The following CCDC88A variants were observed in gnomAD, a reference collection of about 807,000 sequenced individuals.
CCDC88A encodes girdin.
Under a neutral mutation model 234.3 loss-of-function variants are expected in CCDC88A, and 54 were observed. The observed-to-expected ratio is 0.23, with a 90% CI of 0.19 to 0.29. The LOEUF is 0.29. Ranked by LOEUF, CCDC88A falls within the 10% of genes least tolerant of loss-of-function variation. CCDC88A has a pLI of 1.00. For synonymous variants in CCDC88A, 753 were observed against 737.8 expected, an observed-to-expected ratio of 1.02 and a Z score of -0.33; for missense variants, 1,832 against 2,123.4, an observed-to-expected ratio of 0.86 and a Z score of 2.70.
chr2:55,416,484 A>ATATATG (rs1558860400), intron 2 of CCDC88A, among the ~76,000 whole-genome samples: 7 of 80,114 alleles, frequency 8.7e-5, no homozygotes, highest in Non-Finnish European at 1.6e-4. Context: ...ATATATATAT[A>ATATATG]TATGTATATA....
chr2:55,419,170 A>G lies in CCDC88A; in HGVS notation c.-91T>C. The G allele has an allele frequency of 1.3e-6, 1 of 792,324 alleles. No homozygotes were observed. Among genetic ancestry groups the G allele is most frequent in the African/African-American group, 1.7e-5 (1 of 57,430 alleles). The allele number at this position is 792,324 out of a possible 1,614,324, so 49.1% of individuals were successfully genotyped here. A position where few individuals can be genotyped will look rare whatever the true frequency, so the allele number is the denominator to read the frequency against. ...ACGTGGAAGTAAGTAGAAATCAATG[A>G]AAGTCCATTTCGGCAAGGGAGAAAA... On this transcript the variant is annotated 5_prime_UTR_variant, in exon 1 of 33. Transcript: ENST00000436346.
intron 25 of CCDC88A, among the ~76,000 whole-genome samples, 199 bp from the exon 26 acceptor site, chr2:55,303,351 T>C (rs188678800): frequency 1.4e-4 from 22 of 152,174 alleles, no homozygotes; most frequent in Non-Finnish European, 2.9e-4. Context: ...TATTTTAAAA[T>C]ACTTGGAAAA....
At chr2:55,401,073 T>G (rs190832309) in intron 2 of CCDC88A, among the ~76,000 whole-genome samples, 1 of 152,028 alleles carries the variant, frequency 6.6e-6, no homozygotes, top group East Asian at 1.9e-4. Flanking sequence ...TCAGGAAAAT[T>G]AATGGCTTTT....
At chr2:55,393,416 G>T (rs541741583) in intron 2 of CCDC88A, among the ~76,000 whole-genome samples, 26 of 144,774 alleles carry the variant, frequency 1.8e-4, no homozygotes, top group African/African-American at 6.6e-4. Flanking sequence ...TCAGCCTCCT[G>T]AGTAGCTGGG....
intron 14 of CCDC88A, among the ~76,000 whole-genome samples, chr2:55,336,477 T>A (rs1177975270): frequency 6.6e-6 from 1 of 152,088 alleles, no homozygotes; most frequent in Non-Finnish European, 1.5e-5. Flanking sequence ...ACAATGGTAG[T>A]TTAAAAAACT....
At chr2:55,308,725 T>C (rs1681957924) in intron 25 of CCDC88A, 84 bp downstream of exon 25, 1 of 919,376 alleles carries the variant, frequency 1.1e-6, no homozygotes, top group Admixed American at 2.4e-5. Flanking sequence ...ATCAGACTAT[T>C]CCCCCAAAGG....
rs2104551314 is a variant in CCDC88A at position 55,296,309 on chromosome 2, A to G, written c.5040T>C (p.Val1680=). 6.2e-7 allele frequency: 1 copy of G among 1,614,186 alleles called. No individual in the cohort carries two copies. The highest frequency in any genetic ancestry group is 8.5e-7 in the Non-Finnish European group (1 of 1,180,010). ...KIKTGSPGSE[V]VTLQQFLEES... is the part of the protein sequence containing the mutation. ...CTTCCAAAAACTGTTGTAGAGTAAC[A>G]ACTTCACTTCCAGGGGAACCAGTTT... Residue 1680 remains valine, a synonymous_variant, in exon 30 of 33, where the codon GTT becomes GTC. Transcript: ENST00000436346.
intron 3 of CCDC88A, among the ~76,000 whole-genome samples, chr2:55,377,968 A>G (rs368715524): frequency 1.1e-4 from 17 of 152,280 alleles, no homozygotes; most frequent in Admixed American, 4.6e-4. Context: ...AAGATGTTAG[A>G]GATAAAACTC....
intron 6 of CCDC88A, among the ~76,000 whole-genome samples, chr2:55,363,372 T>C (rs150840293): frequency 3.1e-3 from 468 of 152,050 alleles, no homozygotes; most frequent in African/African-American, 0.011. Context: ...TTCTAAAGTG[T>C]CTTTATAAGA....
At chr2:55,358,132 A>G (rs1670833035) in intron 7 of CCDC88A, among the ~76,000 whole-genome samples, 1 of 151,976 alleles carries the variant, frequency 6.6e-6, no homozygotes, top group African/African-American at 2.4e-5. Context: ...TTACTGACTC[A>G]CTCTTTGAAG....
chr2:55,396,144 T>C (rs1574451866), intron 2 of CCDC88A, among the ~76,000 whole-genome samples: 1 of 152,302 alleles, frequency 6.6e-6, no homozygotes, highest in East Asian at 1.9e-4. Flanking sequence ...CCTACTGTAC[T>C]GGCCACATTA....
chr2:55,321,934 AAACC>A (rs961305097), intron 18 of CCDC88A, among the ~76,000 whole-genome samples: 2 of 151,472 alleles, frequency 1.3e-5, no homozygotes, highest in South Asian at 2.1e-4. Context: ...AAAAAAAAAA[AAACC>A]ACCACCACAA....
At position 55,334,536 on chromosome 2, in the gene CCDC88A, T is replaced by C. The variant is rs200376009; in HGVS notation, c.2285A>G (p.Asp762Gly). The C allele has an allele frequency of 8.1e-6, 13 of 1,612,098 alleles. No individual in the cohort carries two copies. The highest frequency in any genetic ancestry group is 2.7e-5 in the African/African-American group (2 of 75,004). The part of the protein sequence containing the change: ...ERLEVSYQGL[D>G]IENQRLQKTL... ...TTTTTGCAGTCTTTGATTTTCTATA[T>C]CTAAACCCTGGTAGCTAACTTCTAA... Residue 762 changes from aspartate (D) to glycine (G), a missense_variant, in exon 15 of 33, where the codon GAT becomes GGT. Asp to Gly is a moderately conservative substitution (Grantham distance 94). Around this residue, in one of 6 missense-constraint regions of CCDC88A, gnomAD observed 1,282 missense variants for 1,543.6 expected, o/e 0.83. Transcript: ENST00000436346. This position sits in a 1 kb window ranked among gnomAD's most constrained non-coding sequence, Gnocchi z 6.1.
chr2:55,342,117 A>T (rs1668587051), intron 12 of CCDC88A, among the ~76,000 whole-genome samples: 1 of 152,208 alleles, frequency 6.6e-6, no homozygotes, highest in African/African-American at 2.4e-5. Context: ...AAAACTTCTA[A>T]GATAGTTTTA....
intron 22 of CCDC88A, 67 bp downstream of exon 22, chr2:55,315,861 C>A (rs971361968): frequency 1.2e-6 from 1 of 844,668 alleles, no homozygotes; most frequent in South Asian, 2.6e-5. Flanking sequence ...GTAATCTAGT[C>A]ATTTATTTCT....
At chr2:55,360,897 T>C (rs1156913208) in intron 7 of CCDC88A, among the ~76,000 whole-genome samples, 1 of 152,186 alleles carries the variant, frequency 6.6e-6, no homozygotes, top group African/African-American at 2.4e-5. Context: ...GAGACCAGCC[T>C]GGCCAACATG....
chr2:55,301,418 GAAACTGGAA>G (rs1680888115), intron 27 of CCDC88A, 141 bp from the exon 28 acceptor site: 1 of 14,502 alleles, frequency 6.9e-5, no homozygotes, highest in Non-Finnish European at 1.1e-3. Flanking sequence ...GACTCAACTA[GAAACTGGAA>G]CTAGGAATAA....
chr2:55,303,698 T>C (rs2104577857), intron 25 of CCDC88A, among the ~76,000 whole-genome samples: 1 of 152,238 alleles, frequency 6.6e-6, no homozygotes, highest in East Asian at 1.9e-4. Context: ...CATATACTTT[T>C]AAAGCTTGGA....
chr2:55,312,574 T>C lies in CCDC88A; in HGVS notation c.3939A>G (p.Leu1313=), dbSNP rs2104608078. 1 of 1,606,560 alleles carries C rather than the reference T, an allele frequency of 6.2e-7. No homozygotes were observed. The highest frequency in any genetic ancestry group is 8.5e-7 in the Non-Finnish European group (1 of 1,175,780). The change falls in exon 23 of 33, where the codon CTA becomes CTG. Residue 1313 remains leucine (L), a synonymous_variant. Transcript: ENST00000436346. ...CTTCTAAATTTCCTTTAAGTTGGCTTAGCAACTGTTTAAACACAAACATTT... is the reference window on the plus strand; with the variant it reads ...CTTCTAAATTTCCTTTAAGTTGGCTCAGCAACTGTTTAAACACAAACATTT... ...STKLNNQCEL[L]SQLKGNLEEE... is the part of the protein sequence containing the mutation.
Sources: gnomAD v4.1 joint callset for allele counts (sites outside exome capture counted in the v4.1 genomes callset) on GRCh38, gnomAD v4.1.1 for gene constraint, gnomAD v4.1.1 regional missense constraint, Gnocchi (gnomAD v3.1) non-coding constraint, MANE v1.5 for transcripts, NCBI Gene and HGNC (gene_info 2026-07-23, HGNC 2026-07-21) for gene names.